The following MIPOL1 variants were observed in gnomAD, a reference collection of about 807,000 sequenced individuals.
The protein encoded by MIPOL1 is mirror-image polydactyly 1.
In MIPOL1, 57 loss-of-function variants were observed where a neutral mutation model predicts 60.9. The observed-to-expected ratio is 0.94, with a 90% confidence interval of 0.76 to 1.17. The LOEUF is 1.17. MIPOL1 is among the 50% of genes most tolerant of loss of function. The pLI, the probability that MIPOL1 is intolerant of heterozygous loss-of-function variation, is 0.00. For missense variants in MIPOL1, 551 were observed against 511.6 expected (o/e 1.08, Z -0.74); for synonymous variants, 179 against 168.8 (o/e 1.06, Z -0.47).
intron 9 of MIPOL1, among the ~76,000 whole-genome samples, chr14:37,322,396 C>T (rs995697864): frequency 6.6e-6 from 1 of 151,916 alleles, no homozygotes; most frequent in African/African-American, 2.4e-5. Flanking sequence ...TTTTATATCA[C>T]TCTTTAGTTT....
At position 37,393,580 on chromosome 14, in the gene MIPOL1, G is replaced by A. The variant is rs141328798; in HGVS notation, c.936+23956G>A. ...GATCATCAAGCAGGTTTAAAGAAAA[G>A]CATATAAATTACTTACCTTTATTGT... On this transcript the variant is annotated intron_variant, in intron 10 of 12. Transcript: ENST00000684589. 6.3e-4 allele frequency among the ~76,000 whole-genome samples: 95 copies of A among 151,966 alleles called. 1 individual carries two copies. The highest frequency in any genetic ancestry group is 2.0e-3 in the Admixed American group (31 of 15,234).
chr14:37,228,783 A>G (rs976123537), intron 1 of MIPOL1, among the ~76,000 whole-genome samples: 1 of 152,192 alleles, frequency 6.6e-6, no homozygotes, highest in Non-Finnish European at 1.5e-5. Flanking sequence ...AAGGCACCCA[A>G]AAGAAGAAAT....
chr14:37,529,297 A>C (rs1277132784), intron 12 of MIPOL1, among the ~76,000 whole-genome samples: 1 of 152,196 alleles, frequency 6.6e-6, no homozygotes, highest in Non-Finnish European at 1.5e-5. Flanking sequence ...ACAAGATATA[A>C]AGACAGCTAA....
At chr14:37,234,942 ATTTTTTTTTT>A (rs5807941) in intron 1 of MIPOL1, among the ~76,000 whole-genome samples, 2 of 116,830 alleles carry the variant, frequency 1.7e-5, no homozygotes, top group African/African-American at 6.5e-5. Flanking sequence ...CGTACGGCTA[ATTTTTTTTTT>A]TTTTTTTTTT....
At chr14:37,359,626 G>GCC (rs2092097359) in intron 9 of MIPOL1, among the ~76,000 whole-genome samples, 1 of 9,080 alleles carries the variant, frequency 1.1e-4, no homozygotes, top group Admixed American at 2.1e-3. Flanking sequence ...TCATTATTTG[G>GCC]CTCTCTGTTA....
At chr14:37,470,195 C>T (rs2094662645) in intron 11 of MIPOL1, among the ~76,000 whole-genome samples, 1 of 152,082 alleles carries the variant, frequency 6.6e-6, no homozygotes, top group South Asian at 2.1e-4. Flanking sequence ...AGAATGGTCA[C>T]GTGGAGATGT....
chr14:37,335,154 T>G (rs1185642213), intron 9 of MIPOL1, among the ~76,000 whole-genome samples: 1 of 152,088 alleles, frequency 6.6e-6, no homozygotes, highest in Non-Finnish European at 1.5e-5. Context: ...TTTATCTACA[T>G]TCTCGCTAAC....
intron 10 of MIPOL1, among the ~76,000 whole-genome samples, chr14:37,404,556 A>G (rs1369278349): frequency 6.6e-6 from 1 of 152,170 alleles, no homozygotes; most frequent in Non-Finnish European, 1.5e-5. Flanking sequence ...TACTTGTAGC[A>G]CTTGTCTGAT....
chr14:37,386,684 TTAGA>T (rs2093077675), intron 10 of MIPOL1, among the ~76,000 whole-genome samples: 1 of 151,964 alleles, frequency 6.6e-6, no homozygotes, highest in Admixed American at 6.6e-5. Flanking sequence ...TGTTAATTGT[TTAGA>T]TAGTTGCTTA....
intron 6 of MIPOL1, among the ~76,000 whole-genome samples, chr14:37,279,068 G>A (rs2083894512): frequency 6.6e-6 from 1 of 151,212 alleles, no homozygotes; most frequent in African/African-American, 2.4e-5. Context: ...CCAATGATTT[G>A]TTTTACCTAC....
intron 1 of MIPOL1, among the ~76,000 whole-genome samples, chr14:37,237,476 T>C (rs1406253676): frequency 6.6e-6 from 1 of 152,170 alleles, no homozygotes; most frequent in East Asian, 1.9e-4. Flanking sequence ...CTATTTTCTA[T>C]AGCTCCAGCC....
At chr14:37,443,184 T>C (rs1246766256) in intron 11 of MIPOL1, among the ~76,000 whole-genome samples, 5 of 151,882 alleles carry the variant, frequency 3.3e-5, no homozygotes, top group African/African-American at 1.2e-4. Context: ...TAAAAAGAAA[T>C]AGAAACTGAA....
At chr14:37,512,203 G>A (rs1009823286) in intron 12 of MIPOL1, among the ~76,000 whole-genome samples, 5 of 151,796 alleles carry the variant, frequency 3.3e-5, no homozygotes, top group Non-Finnish European at 7.4e-5. Flanking sequence ...AGTCTTTTCT[G>A]CTATTTGACC....
At chr14:37,388,992 A>G (rs1418913580) in intron 10 of MIPOL1, among the ~76,000 whole-genome samples, 1 of 152,130 alleles carries the variant, frequency 6.6e-6, no homozygotes, top group South Asian at 2.1e-4. Flanking sequence ...TTTATCAAAA[A>G]TAAAAACAGA....
chr14:37,270,475 T>C lies in MIPOL1; in HGVS notation c.443T>C (p.Leu148Pro). The change falls in exon 6 of 13, where the codon CTG (leucine) becomes CCG (proline). Residue 148 changes from leucine (L) to proline (P), a missense_variant. By Grantham distance (98) the Leu-to-Pro change is moderately conservative. Transcript: ENST00000684589. Reference protein sequence around the residue: ...DKEQRKLKFKLELQEKETEAK... With the variant: ...DKEQRKLKFKPELQEKETEAK... ...GAACAGAGAAAACTAAAGTTTAAGC[T>C]GGAACTCCAAGAGAAAGAAACAGAA... 1.2e-6 allele frequency: 2 copies of C among 1,602,556 alleles called. No homozygotes were observed. Among genetic ancestry groups the C allele is most frequent in the Non-Finnish European group, 1.7e-6 (2 of 1,173,964 alleles).
chr14:37,437,263 CAAG>C (rs2094176656), intron 11 of MIPOL1, among the ~76,000 whole-genome samples: 1 of 152,012 alleles, frequency 6.6e-6, no homozygotes, highest in Non-Finnish European at 1.5e-5. Flanking sequence ...GTAAAGCAAT[CAAG>C]AAGTTCAAAA....
chr14:37,304,140 T>C (rs1386596180), intron 7 of MIPOL1, among the ~76,000 whole-genome samples: 1 of 151,776 alleles, frequency 6.6e-6, no homozygotes, highest in East Asian at 1.9e-4. Context: ...ACGATAAAAT[T>C]ATATAAATTG....
intron 10 of MIPOL1, chr14:37,385,533 A>C (rs934560499): frequency 6.6e-6 from 1 of 152,238 alleles, no homozygotes; most frequent in Middle Eastern, 3.4e-3. Context: ...AGAATGGCAC[A>C]GGCCTTCAGG....
intron 10 of MIPOL1, among the ~76,000 whole-genome samples, chr14:37,413,730 C>G (rs1339974200): frequency 6.6e-6 from 1 of 152,124 alleles, no homozygotes; most frequent in Admixed American, 6.6e-5. Flanking sequence ...CATGAGACCA[C>G]AGGTAGAATC....
Sources: gnomAD v4.1 joint callset for allele counts (sites outside exome capture counted in the v4.1 genomes callset) on GRCh38, gnomAD v4.1.1 for gene constraint, MANE v1.5 for transcripts, NCBI Gene and HGNC (gene_info 2026-07-23, HGNC 2026-07-21) for gene names.